The following AGBL4 variants were observed in gnomAD, a reference collection of about 807,000 sequenced individuals.
The protein encoded by AGBL4 is cytosolic carboxypeptidase 6.
AGBL4 carries 58 observed loss-of-function variants against 66.4 expected under a neutral mutation model. The ratio of observed to expected loss-of-function variants is 0.87; its 90% CI spans 0.71 to 1.09. The LOEUF (loss-of-function observed/expected upper bound fraction) is 1.09. Among genes scored for constraint, AGBL4 ranks in the 50% least tolerant of loss-of-function variants. The probability of loss-of-function intolerance (pLI) is 0.00; values close to 1 mark genes in which losing one functional copy is unlikely to be tolerated. For missense variants in AGBL4, 579 were observed against 631.0 expected, an observed-to-expected ratio of 0.92 and a Z score of 0.88; for synonymous variants, 234 against 222.9, an observed-to-expected ratio of 1.05 and a Z score of -0.44.
intron 6 of AGBL4, among the ~76,000 whole-genome samples, chr1:48,805,184 A>G (rs114875130): frequency 1.4e-3 from 218 of 152,320 alleles, no homozygotes; most frequent in African/African-American, 4.9e-3. Context: ...CTATACAATG[A>G]CGATACTATG....
At chr1:48,832,344 C>T (rs536844968) in intron 6 of AGBL4, among the ~76,000 whole-genome samples, 1 of 152,144 alleles carries the variant, frequency 6.6e-6, no homozygotes, top group African/African-American at 2.4e-5. Flanking sequence ...ATGGACCTGC[C>T]GTGTGAATTC....
At chr1:49,429,369 G>A (rs966985542) in intron 3 of AGBL4, among the ~76,000 whole-genome samples, 7 of 152,186 alleles carry the variant, frequency 4.6e-5, no homozygotes, top group African/African-American at 1.2e-4. Flanking sequence ...GGAGGCAGAG[G>A]ATGCTATAAA....
chr1:48,800,800 G>C (rs895617917), intron 6 of AGBL4, among the ~76,000 whole-genome samples: 1 of 152,152 alleles, frequency 6.6e-6, no homozygotes, highest in Non-Finnish European at 1.5e-5. Flanking sequence ...GAAGGGGGAC[G>C]TAAGCTTGCC....
At chr1:49,515,022 A>C (rs377063939) in intron 3 of AGBL4, among the ~76,000 whole-genome samples, 6 of 152,036 alleles carry the variant, frequency 3.9e-5, no homozygotes, top group Non-Finnish European at 5.9e-5. Context: ...GCAACAAAAG[A>C]CAAAATTGAC....
chr1:49,797,032 A>G (rs1263257851), intron 2 of AGBL4, among the ~76,000 whole-genome samples: 1 of 152,156 alleles, frequency 6.6e-6, no homozygotes, highest in East Asian at 1.9e-4. Context: ...TGTTATCCTT[A>G]TAAGAAATAG....
intron 3 of AGBL4, among the ~76,000 whole-genome samples, chr1:49,370,188 A>C (rs1220987350): frequency 6.7e-6 from 1 of 148,574 alleles, no homozygotes; most frequent in Non-Finnish European, 1.5e-5. Context: ...TGAGCCAATA[A>C]ACTGTGTGGA....
intron 1 of AGBL4, among the ~76,000 whole-genome samples, chr1:49,871,752 A>G (rs1303757753): frequency 2.0e-5 from 3 of 152,166 alleles, no homozygotes; most frequent in East Asian, 3.8e-4. Context: ...ATGTCCTAAC[A>G]TATGTTATCA....
intron 3 of AGBL4, among the ~76,000 whole-genome samples, chr1:49,636,395 G>T (rs185631344): frequency 2.7e-4 from 41 of 152,208 alleles, no homozygotes; most frequent in Admixed American, 5.9e-4. Flanking sequence ...ATTCATGAAG[G>T]CTCCACTTTC....
At chr1:49,712,297 T>C (rs1216392255) in intron 2 of AGBL4, among the ~76,000 whole-genome samples, 1 of 151,908 alleles carries the variant, frequency 6.6e-6, no homozygotes, top group African/African-American at 2.4e-5. Flanking sequence ...TTGTTAACTA[T>C]TCATCTATCA....
intron 11 of AGBL4, among the ~76,000 whole-genome samples, chr1:48,566,825 C>G (rs1361322650): frequency 6.6e-6 from 1 of 152,164 alleles, no homozygotes; most frequent in African/African-American, 2.4e-5. Context: ...CCCACGCTTG[C>G]AAACTGCCAA....
At chr1:49,694,253 T>C (rs558552846) in intron 3 of AGBL4, among the ~76,000 whole-genome samples, 10 of 152,212 alleles carry the variant, frequency 6.6e-5, no homozygotes, top group African/African-American at 2.4e-4. Context: ...AAAAAGATTA[T>C]AGAAAGAGAT....
intron 9 of AGBL4, among the ~76,000 whole-genome samples, chr1:48,603,450 C>T (rs1569966030): frequency 6.6e-6 from 1 of 151,994 alleles, no homozygotes; most frequent in African/African-American, 2.4e-5. Flanking sequence ...AGCCTCGCAA[C>T]AGAGCAAGAC....
chr1:48,755,619 C>T (rs1652431583), intron 6 of AGBL4, among the ~76,000 whole-genome samples: 1 of 152,012 alleles, frequency 6.6e-6, no homozygotes, highest in Non-Finnish European at 1.5e-5. Context: ...GTCTCTCATT[C>T]GCTTTCTGGT....
Position 49,642,188 on chromosome 1 carries a change from C to T in AGBL4, c.282+55125G>A, listed in dbSNP as rs141105386. ...TTTTAAAATTCAAGAGTGAGGAAGA[C>T]ATCTTCCAGTGAAGATAAAACAATG... On this transcript the variant is annotated intron_variant, in intron 3 of 13. Coordinates refer to ENST00000371839, the MANE Select transcript of AGBL4 (RefSeq NM_032785.4). Among the ~76,000 whole-genome samples the T allele has an allele frequency of 1.4e-4, 22 of 152,130 alleles. No individual in the cohort carries two copies. The East Asian group carries it at 4.2e-3, about 29-fold the overall frequency.
intron 4 of AGBL4, among the ~76,000 whole-genome samples, chr1:49,121,602 C>A (rs1419491704): frequency 6.6e-6 from 1 of 152,148 alleles, no homozygotes; most frequent in African/African-American, 2.4e-5. Context: ...AGGCAGCAAC[C>A]TATATGAGGT....
At chr1:49,918,586 A>G (rs1182900559) in intron 1 of AGBL4, among the ~76,000 whole-genome samples, 4 of 152,226 alleles carry the variant, frequency 2.6e-5, no homozygotes, top group Non-Finnish European at 5.9e-5. Context: ...AAATTGAGAC[A>G]ATAATTAATA....
chr1:48,855,255 A>C (rs1208593824), intron 6 of AGBL4, among the ~76,000 whole-genome samples: 1 of 152,158 alleles, frequency 6.6e-6, no homozygotes, highest in Non-Finnish European at 1.5e-5. Flanking sequence ...GGATGTTCCA[A>C]AATGGGACAC....
At chr1:49,985,732 A>C (rs1281760375) in intron 1 of AGBL4, among the ~76,000 whole-genome samples, 1 of 152,152 alleles carries the variant, frequency 6.6e-6, no homozygotes, top group Non-Finnish European at 1.5e-5. Flanking sequence ...AGCTCTTTGA[A>C]TGTAATGACC....
intron 3 of AGBL4, among the ~76,000 whole-genome samples, chr1:49,693,950 T>C (rs1422163857): frequency 6.6e-6 from 1 of 152,172 alleles, no homozygotes; most frequent in Non-Finnish European, 1.5e-5. Context: ...TTCTTGCAAA[T>C]GCACTATTGA....
Sources: allele counts gnomAD v4.1 joint callset (sites outside exome capture counted in the v4.1 genomes callset), GRCh38; gene constraint gnomAD v4.1.1; transcripts MANE v1.5; gene names NCBI Gene and HGNC (gene_info 2026-07-23, HGNC 2026-07-21).